The following PLCG2 variants were observed in gnomAD, a reference collection of about 807,000 sequenced individuals.
PLCG2 encodes the protein phospholipase C gamma 2, also known as 1-phosphatidylinositol 4,5-bisphosphate phosphodiesterase gamma-2.
In PLCG2, 69 loss-of-function variants were observed where a neutral mutation model predicts 175.6. The ratio of observed to expected loss-of-function variants is 0.39; its 90% CI spans 0.32 to 0.48. The LOEUF (loss-of-function observed/expected upper bound fraction) is 0.48, where lower values mean the gene tolerates loss of function less well. Ranked by LOEUF, PLCG2 falls within the 20% of genes least tolerant of loss-of-function variation. The probability of loss-of-function intolerance (pLI) is 0.91; values close to 1 mark genes in which losing one functional copy is unlikely to be tolerated. For synonymous variants in PLCG2, 827 were observed against 624.0 expected (o/e 1.33, Z -4.85); for missense variants, 1,798 against 1,650.9 (o/e 1.09, Z -1.54).
intron 30 of PLCG2, among the ~76,000 whole-genome samples, chr16:81,942,386 C>G (rs955023189): frequency 3.9e-5 from 6 of 152,234 alleles, no homozygotes; most frequent in African/African-American, 7.2e-5. Flanking sequence ...CCTCCCCCGA[C>G]TGTGAGATAC....
Position 81,866,509 on chromosome 16 carries a change from G to A in PLCG2, c.480-2705G>A, listed in dbSNP as rs1257610170. ...CACTGGGGCACCAGCATGAGAGGAC[G>A]CTGGCCTCTCCCTTGCTCCCAGGAT... is the stretch of plus-strand genomic sequence containing the variant. On this transcript the variant is annotated intron_variant, in intron 5 of 32. Transcript: ENST00000564138. Among the ~76,000 whole-genome samples the A allele has an allele frequency of 4.1e-5, 3 of 72,454 alleles. 1 individual carries two copies. The highest frequency in any genetic ancestry group is 6.6e-5 in the Non-Finnish European group (2 of 30,528). 47.5% of individuals were successfully genotyped at this position (72,454 alleles called of 152,430 possible). A position where few individuals can be genotyped will look rare whatever the true frequency, so the allele number is the denominator to read the frequency against.
At chr16:81,830,251 T>C (rs1905207247) in intron 2 of PLCG2, among the ~76,000 whole-genome samples, 2 of 151,944 alleles carry the variant, frequency 1.3e-5, no homozygotes, top group Admixed American at 1.3e-4. Context: ...GCCCAGGAGG[T>C]TGAGGCTGTA....
intron 2 of PLCG2, among the ~76,000 whole-genome samples, chr16:81,802,594 T>C (rs1274635923): frequency 1.3e-5 from 2 of 151,798 alleles, no homozygotes; most frequent in Non-Finnish European, 2.9e-5. Context: ...TGAGACTGAG[T>C]GGAGTTTCAC....
At chr16:81,753,729 A>T (rs1300002885) in intron 1 of PLCG2, among the ~76,000 whole-genome samples, 2 of 152,202 alleles carry the variant, frequency 1.3e-5, no homozygotes, top group East Asian at 3.9e-4. Context: ...TTGGGAGGGG[A>T]TGAGGGAACC....
At chr16:81,742,162 G>T (rs1909610005) in intron 1 of PLCG2, among the ~76,000 whole-genome samples, 1 of 139,170 alleles carries the variant, frequency 7.2e-6, no homozygotes, top group Non-Finnish European at 1.6e-5. Context: ...GGCGGGGGGG[G>T]GGGCGGTGTT....
chr16:81,797,114 A>G (rs777212119), intron 2 of PLCG2, among the ~76,000 whole-genome samples: 1 of 152,210 alleles, frequency 6.6e-6, no homozygotes, highest in African/African-American at 2.4e-5. Flanking sequence ...AATACAGTGT[A>G]GTGGGTAAAC....
At chr16:81,898,134 G>A in intron 13 of PLCG2, 1 of 228,720 alleles carries the variant, frequency 4.4e-6, no homozygotes, top group Non-Finnish European at 8.9e-6. Context: ...GCTTATGGTT[G>A]TGAGCTGACA....
At chr16:81,866,095 C>T (rs1907219702) in intron 5 of PLCG2, among the ~76,000 whole-genome samples, 1 of 129,822 alleles carries the variant, frequency 7.7e-6, no homozygotes, top group Admixed American at 7.5e-5. Flanking sequence ...CACTGGGCAC[C>T]AGCATGAGAG....
At chr16:81,875,033 G>C (rs565447107) in intron 7 of PLCG2, among the ~76,000 whole-genome samples, 1 of 136,170 alleles carries the variant, frequency 7.3e-6, no homozygotes, top group South Asian at 2.4e-4. Flanking sequence ...GCACGATCTT[G>C]ATTCACTGCA....
At chr16:81,867,732 C>G (rs1907312987) in intron 5 of PLCG2, among the ~76,000 whole-genome samples, 1 of 151,902 alleles carries the variant, frequency 6.6e-6, no homozygotes, top group Non-Finnish European at 1.5e-5. Context: ...GAGTCTTGCT[C>G]TGTCACCCAG....
intron 2 of PLCG2, among the ~76,000 whole-genome samples, chr16:81,832,136 G>C (rs1205684353): frequency 6.6e-6 from 1 of 151,998 alleles, no homozygotes; most frequent in South Asian, 2.1e-4. Context: ...TGGCGATTCT[G>C]TGGCACTCAA....
chr16:81,861,356 G>A lies in PLCG2; in HGVS notation c.479+2193G>A, dbSNP rs541544088. Among the ~76,000 whole-genome samples, 16 of 152,328 alleles carry A rather than the reference G, an allele frequency of 1.1e-4. No homozygotes were observed. The East Asian group carries it at 2.7e-3, about 26-fold the overall frequency. ...TTGAAGGTGACTTCGTGTCTGGTCA[G>A]TGTCCTCTGTTACTTGTTAGCTTCA... On this transcript the variant is annotated intron_variant, in intron 5 of 32. Coordinates refer to ENST00000564138, the MANE Select transcript of PLCG2 (RefSeq NM_002661.5).
chr16:81,803,674 TTCCTTC>T, intron 2 of PLCG2, among the ~76,000 whole-genome samples: 1 of 126,646 alleles, frequency 7.9e-6, no homozygotes, highest in Non-Finnish European at 1.6e-5. Flanking sequence ...CCTTCCTTCC[TTCCTTC>T]CTTTTCTTTC....
intron 14 of PLCG2, among the ~76,000 whole-genome samples, chr16:81,901,673 G>A (rs769715222): frequency 1.4e-4 from 22 of 152,146 alleles, no homozygotes; most frequent in Non-Finnish European, 2.5e-4. Flanking sequence ...AGCCACTTGC[G>A]GGCTCTGTCA....
At position 81,937,897 on chromosome 16, in the gene PLCG2, A is replaced by C. The variant is rs200366770; in HGVS notation, c.3192A>C (p.Thr1064=). 16 of 1,614,012 alleles carry C rather than the reference A, an allele frequency of 9.9e-6. No individual in the cohort carries two copies. The Admixed American group carries it at 1.8e-4, about 18-fold the overall frequency. ...ESQRKILMTL[T]VKVLGARHLP... is the part of the protein sequence containing the mutation. The stretch of plus-strand genomic sequence containing the variant: ...AGAGGAAGATCCTGATGACGCTGAC[A>C]GTCAAGGTAAAGCCAGCCCTCCCTT... The change falls in exon 28 of 33, where the codon ACA becomes ACC. Residue 1064 remains threonine (T), a synonymous_variant. Transcript: ENST00000564138.
intron 5 of PLCG2, among the ~76,000 whole-genome samples, chr16:81,865,929 A>G (rs1220300218): frequency 2.6e-5 from 3 of 116,376 alleles, no homozygotes; most frequent in South Asian, 3.1e-4. Context: ...GGGCACCAGC[A>G]TGAGAGGACG....
At chr16:81,847,540 AT>A (rs1567495934) in intron 2 of PLCG2, among the ~76,000 whole-genome samples, 30 of 152,280 alleles carry the variant, frequency 2.0e-4, no homozygotes, top group African/African-American at 7.0e-4. Context: ...AAAGATACTT[AT>A]CACTGCAGAT....
Position 81,923,413 on chromosome 16 carries a change from A to T in PLCG2, c.2308-72A>T, listed in dbSNP as rs904518424. 5.8e-6 allele frequency: 5 copies of T among 865,118 alleles called. No individual in the cohort carries two copies. In the African/African-American group the frequency reaches 6.6e-5, roughly 11 times the overall value. 53.6% of individuals were successfully genotyped at this position (865,118 alleles called of 1,614,324 possible). On this transcript the variant is annotated intron_variant, in intron 21 of 32. Transcript: ENST00000564138. Reference sequence around the variant, plus strand: ...TCCCCAATGAGAAGAACCAAATGGTACCTGGGAACGCAGCCGCCTCCCTCC... The same window carrying T: ...TCCCCAATGAGAAGAACCAAATGGTTCCTGGGAACGCAGCCGCCTCCCTCC...
In PLCG2 at chr16:81,937,777, T is replaced by G. The variant is rs755927399; in HGVS notation, c.3072T>G (p.Asn1024Lys). 1 of 1,613,978 alleles carries G rather than the reference T, an allele frequency of 6.2e-7. No homozygotes were observed. Among genetic ancestry groups the G allele is most frequent in the Admixed American group, 1.7e-5 (1 of 60,016 alleles). The change falls in exon 28 of 33, where the codon AAT becomes AAG. Residue 1024 changes from asparagine (N) to lysine (K), a missense_variant. Transcript: ENST00000564138. ...FQTADKYMQM[N>K]HALFSLNGRT... ...TCCCAGATAAGTACATGCAGATGAATCACGCATTGTTTTCTCTCAATGGGC... is the reference window on the plus strand; with the variant it reads ...TCCCAGATAAGTACATGCAGATGAAGCACGCATTGTTTTCTCTCAATGGGC...
Sources: allele counts gnomAD v4.1 joint callset (sites outside exome capture counted in the v4.1 genomes callset), GRCh38; gene constraint gnomAD v4.1.1; transcripts MANE v1.5; gene names NCBI Gene and HGNC (gene_info 2026-07-23, HGNC 2026-07-21).